Variants in PRKD1 observed in about 807,000 individuals in gnomAD.
The protein encoded by PRKD1 is serine/threonine-protein kinase D1.
A neutral mutation model predicts 95.9 loss-of-function variants in PRKD1; 63 were observed. The observed-to-expected ratio is 0.66, with a 90% CI of 0.54 to 0.81. The LOEUF (loss-of-function observed/expected upper bound fraction) is 0.81. Among genes scored for constraint, PRKD1 ranks in the 30% least tolerant of loss-of-function variants. PRKD1 has a pLI of 0.00. For missense variants in PRKD1, 1,048 were observed against 1,165.3 expected, an observed-to-expected ratio of 0.90 and a Z score of 1.47; for synonymous variants, 425 against 423.1, an observed-to-expected ratio of 1.00 and a Z score of -0.05.
intron 2 of PRKD1, among the ~76,000 whole-genome samples, chr14:29,695,594 C>A (rs10148467): frequency 6.6e-6 from 1 of 151,996 alleles, no homozygotes; most frequent in Non-Finnish European, 1.5e-5. Flanking sequence ...TGGGAAGAGC[C>A]TAAGAGCTGC....
At position 29,927,365 on chromosome 14, in the gene PRKD1, A is replaced by T; in HGVS notation, c.148T>A (p.Ser50Thr). ...APVAAPVGGI[S>T]FHLQIGLSRE... ...CTCAGGCCGATCTGCAGATGGAACG[A>T]GATGCCCCCGACCGGGGCCGCGACA... is the stretch of plus-strand genomic sequence containing the variant. The change falls in exon 1 of 18, where the codon TCG (serine) becomes ACG (threonine). Residue 50 changes from serine to threonine, a missense_variant. Physicochemically the swap from Ser to Thr is moderately conservative, Grantham distance 58 (BLOSUM62 1). Around this residue, in one of 3 missense-constraint regions of PRKD1, gnomAD observed 275 missense variants for 248.6 expected, o/e 1.11. Coordinates refer to ENST00000331968, the MANE Select transcript of PRKD1 (RefSeq NM_002742.3). 6.4e-7 allele frequency: 1 copy of T among 1,562,938 alleles called. No individual in the cohort carries two copies. Among genetic ancestry groups the T allele is most frequent in the Non-Finnish European group, 8.6e-7 (1 of 1,156,966 alleles).
chr14:29,698,677 C>T (rs1884664338), intron 2 of PRKD1, among the ~76,000 whole-genome samples: 1 of 151,816 alleles, frequency 6.6e-6, no homozygotes, highest in South Asian at 2.1e-4. Flanking sequence ...ATGTAAGTGC[C>T]TCCTGGACAC....
intron 1 of PRKD1, among the ~76,000 whole-genome samples, chr14:29,851,535 C>G (rs1431926341): frequency 1.3e-5 from 2 of 152,078 alleles, no homozygotes; most frequent in Non-Finnish European, 2.9e-5. Context: ...GAGATACCAA[C>G]AATTTCACAC....
intron 2 of PRKD1, among the ~76,000 whole-genome samples, chr14:29,711,366 A>G (rs1885327149): frequency 6.6e-6 from 1 of 152,138 alleles, no homozygotes; most frequent in Admixed American, 6.6e-5. Context: ...ATTATTTGGT[A>G]GTTAAGACAG....
chr14:29,588,625 C>T (rs753216), intron 16 of PRKD1, among the ~76,000 whole-genome samples: 44,806 of 151,982 alleles, frequency 0.29, 8,139 homozygotes, highest in Non-Finnish European at 0.42. Flanking sequence ...AGCACAAATA[C>T]GACCATGGAG....
At chr14:29,599,157 A>G in intron 14 of PRKD1, 32 bp from the exon 15 acceptor site, 1 of 1,570,092 alleles carries the variant, frequency 6.4e-7, no homozygotes, top group Non-Finnish European at 8.8e-7. Context: ...ATTTCATTCC[A>G]GTTTATTAAT....
intron 12 of PRKD1, among the ~76,000 whole-genome samples, chr14:29,624,593 A>C (rs995058258): frequency 7.9e-5 from 12 of 152,112 alleles, no homozygotes; most frequent in Admixed American, 5.9e-4. Context: ...CACCAAATTA[A>C]CTCCCCTTTA....
At chr14:29,776,323 G>C (rs1183854735) in intron 1 of PRKD1, among the ~76,000 whole-genome samples, 1 of 152,180 alleles carries the variant, frequency 6.6e-6, no homozygotes, top group Admixed American at 6.5e-5. Context: ...GAGAGAAGAA[G>C]GCTTCAGACG....
intron 1 of PRKD1, among the ~76,000 whole-genome samples, chr14:29,754,009 T>G (rs1887591652): frequency 6.6e-6 from 1 of 152,200 alleles, no homozygotes; most frequent in East Asian, 1.9e-4. Context: ...TAGACTGTTC[T>G]GTAGGATGAT....
rs111577634 is a variant in PRKD1 at position 29,612,664 on chromosome 14, T to A, written c.1905+11488A>T. ...TTTGGAAAATTTTCTAAATTAATTT[T>A]CTTTTTCTTATAATAGATAGTTGTT... On this transcript the variant is annotated intron_variant, in intron 13 of 17. Coordinates refer to ENST00000331968, the MANE Select transcript of PRKD1 (RefSeq NM_002742.3). Among the ~76,000 whole-genome samples the A allele has an allele frequency of 3.4e-4, 52 of 152,360 alleles. 1 individual carries two copies. The highest frequency in any genetic ancestry group is 1.2e-3 in the African/African-American group (48 of 41,588).
At chr14:29,580,233 A>G (rs963435696) in intron 16 of PRKD1, among the ~76,000 whole-genome samples, 1 of 152,166 alleles carries the variant, frequency 6.6e-6, no homozygotes, top group Non-Finnish European at 1.5e-5. Context: ...CATAATGGGG[A>G]GGGAAGTACT....
chr14:29,788,811 C>G (rs1407602454), intron 1 of PRKD1, among the ~76,000 whole-genome samples: 1 of 151,968 alleles, frequency 6.6e-6, no homozygotes, highest in African/African-American at 2.4e-5. Flanking sequence ...CAGATCATGA[C>G]TTCTTTTCTT....
At chr14:29,596,898 C>G (rs929775427) in intron 16 of PRKD1, among the ~76,000 whole-genome samples, 1 of 152,028 alleles carries the variant, frequency 6.6e-6, no homozygotes, top group Non-Finnish European at 1.5e-5. Context: ...GAATATAACT[C>G]TAAACAATGC....
At chr14:29,918,861 G>A (rs897316797) in intron 1 of PRKD1, among the ~76,000 whole-genome samples, 46 of 152,164 alleles carry the variant, frequency 3.0e-4, no homozygotes, top group Non-Finnish European at 4.7e-4. Flanking sequence ...TCACCTAACT[G>A]TAAGAACACT....
chr14:29,901,758 G>T (rs1894326528), intron 1 of PRKD1, among the ~76,000 whole-genome samples: 1 of 151,726 alleles, frequency 6.6e-6, no homozygotes, highest in Non-Finnish European at 1.5e-5. Flanking sequence ...CACTATGCTG[G>T]GCCCTTTTCA....
intron 2 of PRKD1, among the ~76,000 whole-genome samples, chr14:29,672,348 A>AAAAT (rs1184077029): frequency 2.7e-5 from 4 of 149,508 alleles, no homozygotes; most frequent in African/African-American, 1.0e-4. Context: ...CTCAAAAAAA[A>AAAAT]AATAAAATAA....
At chr14:29,800,863 C>T (rs934580802) in intron 1 of PRKD1, among the ~76,000 whole-genome samples, 1 of 152,082 alleles carries the variant, frequency 6.6e-6, no homozygotes, top group African/African-American at 2.4e-5. Flanking sequence ...CACACTTGGT[C>T]CCTTCATGAT....
intron 1 of PRKD1, among the ~76,000 whole-genome samples, chr14:29,778,794 C>T (rs1888896267): frequency 6.6e-6 from 1 of 152,084 alleles, no homozygotes; most frequent in African/African-American, 2.4e-5. Flanking sequence ...TTTATGAGGC[C>T]AGCATCATCC....
At chr14:29,659,305 A>G (rs1051302487) in intron 4 of PRKD1, among the ~76,000 whole-genome samples, 1 of 152,216 alleles carries the variant, frequency 6.6e-6, no homozygotes, top group African/African-American at 2.4e-5. Context: ...AGATTCAACA[A>G]TGTTGCAGAG....
Sources: gnomAD v4.1 joint callset for allele counts (sites outside exome capture counted in the v4.1 genomes callset) on GRCh38, gnomAD v4.1.1 for gene constraint, gnomAD v4.1.1 regional missense constraint, MANE v1.5 for transcripts, NCBI Gene and HGNC (gene_info 2026-07-23, HGNC 2026-07-21) for gene names.